FBXW4: variants seen among roughly 807,000 people sequenced by gnomAD.
FBXW4 encodes F-box and WD repeat domain containing 4, also known as F-box/WD repeat-containing protein 4.
In FBXW4, 40 loss-of-function variants were observed where a neutral mutation model predicts 61.8. That is an observed-to-expected ratio of 0.65 (90% CI 0.50 to 0.84). FBXW4 has a LOEUF of 0.84. Ranked by LOEUF, FBXW4 falls within the 40% of genes least tolerant of loss-of-function variation. The probability of loss-of-function intolerance (pLI) is 0.00; values close to 1 mark genes in which losing one functional copy is unlikely to be tolerated. For missense variants in FBXW4, 672 were observed against 753.8 expected (o/e 0.89, Z 1.27); for synonymous variants, 311 against 313.8 (o/e 0.99, Z 0.10).
At chr10:101,669,166 C>T (rs991756895) in intron 4 of FBXW4, among the ~76,000 whole-genome samples, 19 of 152,058 alleles carry the variant, frequency 1.2e-4, no homozygotes, top group African/African-American at 4.6e-4. Flanking sequence ...CTTTTCCCAA[C>T]ACAGTGAAAA....
At chr10:101,681,076 A>T (rs940861406) in intron 1 of FBXW4, among the ~76,000 whole-genome samples, 10 of 152,236 alleles carry the variant, frequency 6.6e-5, no homozygotes, top group Admixed American at 6.5e-4. Context: ...GACACTACAT[A>T]AAATTATGTC....
rs372492389 is a variant in FBXW4 at position 101,692,695 on chromosome 10, G to A, written c.725+1686C>T. 2.8e-4 allele frequency among the ~76,000 whole-genome samples: 39 copies of A among 137,610 alleles called. No homozygotes were observed. In the East Asian group the frequency reaches 3.0e-3, roughly 10 times the overall value. 90.3% of individuals were successfully genotyped at this position (137,610 alleles called of 152,430 possible). A position where few individuals can be genotyped will look rare whatever the true frequency, so the allele number is the denominator to read the frequency against. On this transcript the variant is annotated intron_variant, in intron 1 of 8. Coordinates refer to ENST00000331272, the MANE Select transcript of FBXW4 (RefSeq NM_022039.4). ...GCTTGAACCCAGGAGGTGGTGAGCC[G>A]AGTGCACACCACTGCACTCCAGCCC... is the stretch of plus-strand genomic sequence containing the variant.
At chr10:101,627,149 C>A (rs1429905902) in intron 5 of FBXW4, among the ~76,000 whole-genome samples, 1 of 151,794 alleles carries the variant, frequency 6.6e-6, no homozygotes, top group Non-Finnish European at 1.5e-5. Context: ...CTCAGCCTCC[C>A]AAAGTGCTAG....
In FBXW4 at chr10:101,673,033, C is replaced by T; in HGVS notation, c.1022G>A (p.Gly341Asp). ...IVSAGGDGKI[G>D]IHKIHSTFTV... ...GAAGGTGCTGTGAATCTTATGAATG[C>T]CAATCTTCCCATCCCTAGGAGAGAA... The change falls in exon 4 of 9, where the codon GGC (glycine) becomes GAC (aspartate). Residue 341 changes from glycine (G) to aspartate (D), a missense_variant. Gly to Asp is a moderately conservative substitution (Grantham distance 94). Transcript: ENST00000331272. 5 of 1,613,978 alleles carry T rather than the reference C, an allele frequency of 3.1e-6. No homozygotes were observed. Among genetic ancestry groups the T allele is most frequent in the Non-Finnish European group, 4.2e-6 (5 of 1,180,004 alleles).
At chr10:101,692,970 A>G (rs2064627365) in intron 1 of FBXW4, among the ~76,000 whole-genome samples, 1 of 152,196 alleles carries the variant, frequency 6.6e-6, no homozygotes, top group Admixed American at 6.5e-5. Context: ...AACATCTAAG[A>G]CCCACAAAGA....
Position 101,635,446 on chromosome 10 carries a change from A to G in FBXW4, c.1236-10636T>C, listed in dbSNP as rs118157710. Reference sequence around the variant, plus strand: ...CTCCCACCCCCGAGGCTATGGAAAAATTGAAAACTGTCTTCCATGAAACCA... The same window carrying G: ...CTCCCACCCCCGAGGCTATGGAAAAGTTGAAAACTGTCTTCCATGAAACCA... On this transcript the variant is annotated intron_variant, in intron 5 of 8. Transcript: ENST00000331272. 5.7e-4 allele frequency among the ~76,000 whole-genome samples: 87 copies of G among 152,154 alleles called. 1 individual carries two copies. Among genetic ancestry groups the G allele is most frequent in the African/African-American group, 2.0e-3 (82 of 41,480 alleles).
intron 5 of FBXW4, among the ~76,000 whole-genome samples, chr10:101,663,636 C>CA (rs201279739): frequency 0.11 from 14,617 of 134,920 alleles, 870 homozygotes; most frequent in African/African-American, 0.18. Context: ...GACCCTGTCT[C>CA]AAAAAAAAAA....
At chr10:101,662,380 C>A (rs2064253161) in intron 5 of FBXW4, among the ~76,000 whole-genome samples, 1 of 152,204 alleles carries the variant, frequency 6.6e-6, no homozygotes, top group African/African-American at 2.4e-5. Flanking sequence ...CAAAACCCCC[C>A]AGAGGCTGCA....
At chr10:101,641,860 T>G (rs1328776408) in intron 5 of FBXW4, among the ~76,000 whole-genome samples, 1 of 148,270 alleles carries the variant, frequency 6.7e-6, no homozygotes, top group African/African-American at 2.4e-5. Context: ...CTGTATAGTA[T>G]ATCAATAGAC....
intron 5 of FBXW4, among the ~76,000 whole-genome samples, chr10:101,643,517 T>C (rs1475981811): frequency 2.6e-5 from 4 of 152,228 alleles, no homozygotes; most frequent in African/African-American, 9.6e-5. Context: ...GCCGCAGGCA[T>C]ATGCACGCTT....
At chr10:101,619,649 ACT>A (rs1397429170) in intron 6 of FBXW4, among the ~76,000 whole-genome samples, 3 of 147,212 alleles carry the variant, frequency 2.0e-5, no homozygotes, top group African/African-American at 7.6e-5. Flanking sequence ...ATAGAGCAAG[ACT>A]CTGTCTCAAA....
chr10:101,628,628 C>A (rs2063926023), intron 5 of FBXW4, among the ~76,000 whole-genome samples: 1 of 152,152 alleles, frequency 6.6e-6, no homozygotes, highest in Non-Finnish European at 1.5e-5. Flanking sequence ...TTCCCAAATA[C>A]CAAAGGCTCA....
intron 6 of FBXW4, among the ~76,000 whole-genome samples, chr10:101,620,452 G>A (rs561359373): frequency 1.3e-5 from 2 of 152,288 alleles, no homozygotes; most frequent in South Asian, 2.1e-4. Context: ...CTGGGGACAG[G>A]ACAGATGTTT....
chr10:101,629,947 C>T (rs1203786799), intron 5 of FBXW4, among the ~76,000 whole-genome samples: 1 of 152,166 alleles, frequency 6.6e-6, no homozygotes, highest in Non-Finnish European at 1.5e-5. Flanking sequence ...AGCTGTGCCC[C>T]GTGGCTGGCC....
intron 5 of FBXW4, among the ~76,000 whole-genome samples, chr10:101,633,319 GAA>G (rs2063973819): frequency 6.6e-6 from 1 of 152,140 alleles, no homozygotes; most frequent in Non-Finnish European, 1.5e-5. Context: ...AATGAAGCTG[GAA>G]ACCATCATTC....
Position 101,694,335 on chromosome 10 carries a change from C to T in FBXW4, c.725+46G>A. The T allele has an allele frequency of 1.5e-6, 2 of 1,338,414 alleles. No individual in the cohort carries two copies. Among genetic ancestry groups the T allele is most frequent in the Non-Finnish European group, 1.9e-6 (2 of 1,051,144 alleles). The allele number at this position is 1,338,414 out of a possible 1,614,324, so 82.9% of individuals were successfully genotyped here. A position where few individuals can be genotyped will look rare whatever the true frequency, so the allele number is the denominator to read the frequency against. On this transcript the variant is annotated intron_variant, in intron 1 of 8. Transcript: ENST00000331272. The surrounding 1 kb of genome is among the most constrained non-coding windows in gnomAD (Gnocchi z 6.0). ...CGGCGCCCCGCCCTTTCCCGGGACG[C>T]GGGGCCGGCTCGGGGCGGGGAGCGG...
chr10:101,638,646 A>C (rs1255975774), intron 5 of FBXW4, among the ~76,000 whole-genome samples: 1 of 152,218 alleles, frequency 6.6e-6, no homozygotes, highest in Non-Finnish European at 1.5e-5. Context: ...GAAATTAAGA[A>C]ATTAAAAGAA....
intron 5 of FBXW4, among the ~76,000 whole-genome samples, chr10:101,643,325 G>T (rs1374222338): frequency 1.3e-5 from 2 of 152,240 alleles, no homozygotes; most frequent in African/African-American, 2.4e-5. Context: ...CTGTGCTATG[G>T]CTCAACTCCC....
chr10:101,678,767 C>A (rs2064443471), intron 1 of FBXW4, among the ~76,000 whole-genome samples: 1 of 152,166 alleles, frequency 6.6e-6, no homozygotes, highest in Non-Finnish European at 1.5e-5. Flanking sequence ...TATACCGTCA[C>A]ATTTGCCAAA....
Sources: gnomAD v4.1 joint callset for allele counts (sites outside exome capture counted in the v4.1 genomes callset) on GRCh38, gnomAD v4.1.1 for gene constraint, Gnocchi (gnomAD v3.1) non-coding constraint, MANE v1.5 for transcripts, NCBI Gene and HGNC (gene_info 2026-07-23, HGNC 2026-07-21) for gene names.